The following PRICKLE1 variants were observed in gnomAD, a reference collection of about 807,000 sequenced individuals.
PRICKLE1 encodes prickle planar cell polarity protein 1.
A neutral mutation model predicts 70.2 loss-of-function variants in PRICKLE1; 14 were observed. That is an observed-to-expected ratio of 0.20 (90% CI 0.13 to 0.31). PRICKLE1 has a LOEUF of 0.31. Ranked by LOEUF, PRICKLE1 falls within the 10% of genes least tolerant of loss-of-function variation. The probability of loss-of-function intolerance (pLI) is 1.00; values close to 1 mark genes in which losing one functional copy is unlikely to be tolerated. For missense variants in PRICKLE1, 821 were observed against 1,026.2 expected, an observed-to-expected ratio of 0.80 and a Z score of 2.73; for synonymous variants, 357 against 379.9, an observed-to-expected ratio of 0.94 and a Z score of 0.70.
chr12:42,560,143 ATTATTATTT>A (rs1940486176), intron 1 of PRICKLE1, among the ~76,000 whole-genome samples: 1 of 139,720 alleles, frequency 7.2e-6, no homozygotes. Context: ...TATTATTATT[ATTATTATTT>A]TTGAGGCAGA....
chr12:42,497,842 A>G (rs1432407900), intron 1 of PRICKLE1, among the ~76,000 whole-genome samples: 3 of 151,062 alleles, frequency 2.0e-5, no homozygotes, highest in South Asian at 4.2e-4. Flanking sequence ...AAAACGAAGC[A>G]TGCTGGTATC....
In PRICKLE1 at chr12:42,459,005, C is replaced by G. The variant is rs1937683808; in HGVS notation, c.*804G>C. ...AATCAAAAAAAGTTGAATTTTCCAT[C>G]ACTAGGCAATGTAAATTTGACCATC... On this transcript the variant is annotated 3_prime_UTR_variant, in exon 8 of 8. Coordinates refer to ENST00000345127, the MANE Select transcript of PRICKLE1 (RefSeq NM_153026.3). 2 of 324,026 alleles carry G rather than the reference C, an allele frequency of 6.2e-6. No homozygotes were observed. The highest frequency in any genetic ancestry group is 8.5e-5 in the Admixed American group (2 of 23,646). 20.1% of individuals were successfully genotyped at this position (324,026 alleles called of 1,614,324 possible).
At chr12:42,515,623 A>G (rs73130443) in intron 1 of PRICKLE1, among the ~76,000 whole-genome samples, 14,586 of 152,192 alleles carry the variant, frequency 0.096, 1,018 homozygotes, top group African/African-American at 0.18. Flanking sequence ...CATATCTGAA[A>G]ATATATTTTT....
intron 1 of PRICKLE1, among the ~76,000 whole-genome samples, chr12:42,499,461 C>T (rs1004529584): frequency 6.6e-6 from 1 of 150,654 alleles, no homozygotes. Flanking sequence ...TGCTCTGTTG[C>T]CCAGGCTGGA....
intron 1 of PRICKLE1, among the ~76,000 whole-genome samples, chr12:42,523,148 T>A (rs1939742544): frequency 6.6e-6 from 1 of 152,112 alleles, no homozygotes; most frequent in Non-Finnish European, 1.5e-5. Flanking sequence ...ATTTTATTTT[T>A]AGTAGAGACG....
chr12:42,496,459 C>T lies in PRICKLE1; in HGVS notation c.-48-23895G>A, dbSNP rs578140729. Among the ~76,000 whole-genome samples the T allele has an allele frequency of 2.0e-5, 3 of 152,102 alleles. No homozygotes were observed. The South Asian group carries it at 6.2e-4, about 32-fold the overall frequency. ...AGCAATGGCTTTAACTTAAAGTCAC[C>T]AGCTGCATCAGCTCCTAACTAGAGA... On this transcript the variant is annotated intron_variant, in intron 1 of 7. Coordinates refer to ENST00000345127, the MANE Select transcript of PRICKLE1 (RefSeq NM_153026.3).
intron 1 of PRICKLE1, among the ~76,000 whole-genome samples, chr12:42,548,052 G>T (rs1262999364): frequency 6.6e-6 from 1 of 152,022 alleles, no homozygotes; most frequent in East Asian, 1.9e-4. Flanking sequence ...TTGTTTGTTT[G>T]TTTTGTGTTT....
rs1488350369 is a variant in PRICKLE1, at chr12:42,464,374, CATAATCCCTAGAT to C, written c.1639+8_1639+20del. 6.2e-7 allele frequency: 1 copy of C among 1,613,984 alleles called. No individual in the cohort carries two copies. Among genetic ancestry groups the C allele is most frequent in the Non-Finnish European group, 8.5e-7 (1 of 1,179,994 alleles). ...TAGTAGCTCCTTTTTTCAAATACCC[CATAATCCCTAGAT>C]TACGTACCTGTGATATTGGACAATG... On this transcript the variant is annotated splice_region_variant and intron_variant, in intron 7 of 7. Coordinates refer to ENST00000345127, the MANE Select transcript of PRICKLE1 (RefSeq NM_153026.3). This position sits in a 1 kb window ranked among gnomAD's most constrained non-coding sequence, Gnocchi z 4.2.
chr12:42,506,139 G>A (rs938225525), intron 1 of PRICKLE1, among the ~76,000 whole-genome samples: 2 of 152,022 alleles, frequency 1.3e-5, no homozygotes, highest in African/African-American at 4.8e-5. Context: ...GGACTTTTAT[G>A]AAAAGTTCCG....
intron 1 of PRICKLE1, among the ~76,000 whole-genome samples, chr12:42,586,606 A>G (rs1187360190): frequency 2.0e-5 from 3 of 152,238 alleles, no homozygotes; most frequent in Non-Finnish European, 1.5e-5. Context: ...AAGTAATGAT[A>G]ATCTTTACTG....
At chr12:42,480,995 C>T (rs1387345890) in intron 1 of PRICKLE1, among the ~76,000 whole-genome samples, 1 of 152,000 alleles carries the variant, frequency 6.6e-6, no homozygotes, top group Non-Finnish European at 1.5e-5. Context: ...GTACACTGTC[C>T]CTAAGAAAGC....
At chr12:42,550,445 CATT>C (rs1940295834) in intron 1 of PRICKLE1, 2 of 152,304 alleles carry the variant, frequency 1.3e-5, no homozygotes, top group South Asian at 2.1e-4. Flanking sequence ...TCACTGGAAA[CATT>C]AGTTTATTTA....
chr12:42,490,810 TC>T (rs1320242196), intron 1 of PRICKLE1, among the ~76,000 whole-genome samples: 1 of 152,202 alleles, frequency 6.6e-6, no homozygotes, highest in Non-Finnish European at 1.5e-5. Context: ...CCATTTTTTT[TC>T]ACTGCCCATG....
intron 1 of PRICKLE1, among the ~76,000 whole-genome samples, chr12:42,520,111 A>G (rs1426389590): frequency 6.6e-6 from 1 of 152,100 alleles, no homozygotes; most frequent in African/African-American, 2.4e-5. Flanking sequence ...GGAAAATCCT[A>G]GTTTGTGCCT....
At chr12:42,470,673 A>T (rs1317688788) in intron 2 of PRICKLE1, among the ~76,000 whole-genome samples, 2 of 152,210 alleles carry the variant, frequency 1.3e-5, no homozygotes, top group African/African-American at 4.8e-5. Flanking sequence ...TGGGAGGCTG[A>T]GGCTGGTGGA....
At chr12:42,568,739 G>A (rs892597360) in intron 1 of PRICKLE1, among the ~76,000 whole-genome samples, 2 of 152,076 alleles carry the variant, frequency 1.3e-5, no homozygotes, top group African/African-American at 4.8e-5. Flanking sequence ...TTTCTTACAG[G>A]CATATATTGC....
chr12:42,579,882 T>G (rs969276079), intron 1 of PRICKLE1, among the ~76,000 whole-genome samples: 1 of 152,152 alleles, frequency 6.6e-6, no homozygotes, highest in East Asian at 1.9e-4. Flanking sequence ...TATATTATTT[T>G]TTTTTTTGAG....
At chr12:42,506,634 G>A (rs1939425164) in intron 1 of PRICKLE1, among the ~76,000 whole-genome samples, 1 of 132,360 alleles carries the variant, frequency 7.6e-6, no homozygotes, top group South Asian at 2.6e-4. Flanking sequence ...GGAGTGCAGT[G>A]GCACGATCTT....
chr12:42,494,824 A>AT (rs1343501265), intron 1 of PRICKLE1, among the ~76,000 whole-genome samples: 3 of 150,776 alleles, frequency 2.0e-5, no homozygotes, highest in Non-Finnish European at 4.4e-5. Context: ...AAAAAAAAAA[A>AT]GCAATTCCTC....
Sources: gnomAD v4.1 joint callset for allele counts (sites outside exome capture counted in the v4.1 genomes callset) on GRCh38, gnomAD v4.1.1 for gene constraint, Gnocchi (gnomAD v3.1) non-coding constraint, MANE v1.5 for transcripts, NCBI Gene and HGNC (gene_info 2026-07-23, HGNC 2026-07-21) for gene names.